Variants in USP3 observed in about 807,000 individuals in gnomAD.
USP3 encodes the protein ubiquitin carboxyl-terminal hydrolase 3.
USP3 carries 20 observed loss-of-function variants against 72.3 expected under a neutral mutation model. That is an observed-to-expected ratio of 0.28 (90% CI 0.19 to 0.40). The LOEUF (loss-of-function observed/expected upper bound fraction) is 0.40. Among genes scored for constraint, USP3 ranks in the 10% least tolerant of loss-of-function variants. The pLI is 1.00. For synonymous variants in USP3, 222 were observed against 225.3 expected, an observed-to-expected ratio of 0.99 and a Z score of 0.13; for missense variants, 479 against 633.9, an observed-to-expected ratio of 0.76 and a Z score of 2.62.
Position 63,512,406 on chromosome 15 carries a change from TTC to T in USP3, c.91+7578_91+7579del, listed in dbSNP as rs759237900. On this transcript the variant is annotated intron_variant, in intron 1 of 14. Transcript: ENST00000380324. The stretch of plus-strand genomic sequence containing the variant: ...TCTTTTTCTTCTTTCTTCCTTCTTC[TTC>T]TTTCTTCTTTCTTTTTCTTTCTTCT... Among the ~76,000 whole-genome samples the T allele has an allele frequency of 3.5e-4, 51 of 147,530 alleles. 1 individual carries two copies. The highest frequency in any genetic ancestry group is 2.1e-3 in the East Asian group (11 of 5,178).
intron 1 of USP3, among the ~76,000 whole-genome samples, chr15:63,505,364 C>A (rs1255017446): frequency 1.3e-5 from 2 of 152,208 alleles, no homozygotes; most frequent in African/African-American, 2.4e-5. Context: ...CCTTTCCCTT[C>A]TCCGCAGGCT....
intron 1 of USP3, among the ~76,000 whole-genome samples, chr15:63,526,776 A>G (rs560815250): frequency 6.6e-6 from 1 of 152,368 alleles, no homozygotes; most frequent in East Asian, 1.9e-4. Flanking sequence ...CTACATTAGC[A>G]GTTAATCTTT....
At chr15:63,539,533 T>C (rs8038147) in intron 3 of USP3, among the ~76,000 whole-genome samples, 28,139 of 152,182 alleles carry the variant, frequency 0.18, 3,466 homozygotes, top group African/African-American at 0.35. Flanking sequence ...TTATACATTG[T>C]ATTTTAGGGG....
chr15:63,514,422 TATTG>T (rs1340544142), intron 1 of USP3, among the ~76,000 whole-genome samples: 1 of 152,208 alleles, frequency 6.6e-6, no homozygotes, highest in Non-Finnish European at 1.5e-5. Context: ...TTTTCTGAAA[TATTG>T]ATTATCTATC....
rs953011630 is a variant in USP3 at position 63,513,480 on chromosome 15, A to G, written c.91+8650A>G. On this transcript the variant is annotated intron_variant, in intron 1 of 14. Coordinates refer to ENST00000380324, the MANE Select transcript of USP3 (RefSeq NM_006537.4). ...TTACAGCCTGGAACTCGCGGGCTTA[A>G]GTGATCCTTCCACTTCAGCCTCCCA... is the stretch of plus-strand genomic sequence containing the variant. Among the ~76,000 whole-genome samples the G allele has an allele frequency of 3.3e-5, 5 of 152,246 alleles. No individual in the cohort carries two copies. The South Asian group carries it at 1.0e-3, about 32-fold the overall frequency.
At chr15:63,530,593 A>T (rs1018576464) in intron 1 of USP3, 4 of 437,096 alleles carry the variant, frequency 9.2e-6, no homozygotes, top group African/African-American at 8.3e-5. Flanking sequence ...GACTACAGGC[A>T]CGTACCAGTG....
chr15:63,556,589 G>C, intron 4 of USP3, 78 bp from the exon 5 acceptor site: 4 of 1,179,956 alleles, frequency 3.4e-6, no homozygotes, highest in Non-Finnish European at 4.7e-6. Flanking sequence ...GTTGAGGGCA[G>C]CTGGAGTTTA....
chr15:63,563,201 A>T (rs2066635174), intron 8 of USP3, among the ~76,000 whole-genome samples, 193 bp downstream of exon 8: 1 of 152,186 alleles, frequency 6.6e-6, no homozygotes, highest in African/African-American at 2.4e-5. Context: ...TAAATAATAG[A>T]CTATAGAAAT....
intron 3 of USP3, among the ~76,000 whole-genome samples, chr15:63,547,897 G>GAGAGAGT (rs2066374433): frequency 1.6e-5 from 1 of 61,598 alleles, no homozygotes; most frequent in Non-Finnish European, 3.7e-5. Flanking sequence ...AGAGAGAGAG[G>GAGAGAGT]CATAGAGAGA....
At chr15:63,545,993 A>AAAAAAT in intron 3 of USP3, among the ~76,000 whole-genome samples, 1 of 149,708 alleles carries the variant, frequency 6.7e-6, no homozygotes, top group African/African-American at 2.5e-5. Flanking sequence ...AAAAAAAAAA[A>AAAAAAT]AACAGTAGAG....
At chr15:63,537,307 G>T in intron 3 of USP3, 151 bp downstream of exon 3, 2 of 917,266 alleles carry the variant, frequency 2.2e-6, no homozygotes, top group South Asian at 6.0e-5. Context: ...CATTGGGAAC[G>T]CCTATCTTTA....
At chr15:63,560,367 G>T (rs2066587915) in intron 7 of USP3, among the ~76,000 whole-genome samples, 3 of 149,708 alleles carry the variant, frequency 2.0e-5, no homozygotes, top group Non-Finnish European at 4.4e-5. Flanking sequence ...GGTGAGCCGA[G>T]ATCGCGCCAC....
intron 9 of USP3, among the ~76,000 whole-genome samples, chr15:63,573,744 G>A (rs899729986): frequency 2.0e-5 from 3 of 152,202 alleles, no homozygotes; most frequent in Admixed American, 1.3e-4. Context: ...ATGTTGCCCT[G>A]TGCAGAGTCA....
chr15:63,559,792 C>T, intron 6 of USP3, 65 bp from the exon 7 acceptor site: 1 of 1,399,402 alleles, frequency 7.1e-7, no homozygotes, highest in South Asian at 1.3e-5. Context: ...ATGTAGGCTT[C>T]ATCAACTTTC....
At position 63,529,325 on chromosome 15, in the gene USP3, CACATA is replaced by C. The variant is rs2066033549; in HGVS notation, c.92-3315_92-3311del. Among the ~76,000 whole-genome samples the C allele has an allele frequency of 6.6e-6, 1 of 151,996 alleles. No homozygotes were observed. The highest frequency in any genetic ancestry group is 2.1e-4 in the South Asian group (1 of 4,816). ...CTGTCTGTCTAATTGATGCACAATT[CACATA>C]ACATAAAGTTAACCATCTTAAAGTG... On this transcript the variant is annotated intron_variant, in intron 1 of 14. Transcript: ENST00000380324. This position sits in a 1 kb window ranked among gnomAD's most constrained non-coding sequence, Gnocchi z 4.2.
At position 63,591,328 on chromosome 15, in the gene USP3, C is replaced by CT. The variant is rs1378571566; in HGVS notation, c.*507dup. Reference sequence around the variant, plus strand: ...TCACAATGACTGCTGAGGAATCATTCTTTTTGCCTGTAAAATATAACAAAG... The same window carrying CT: ...TCACAATGACTGCTGAGGAATCATTCTTTTTTGCCTGTAAAATATAACAAAG... On this transcript the variant is annotated 3_prime_UTR_variant, in exon 15 of 15. Transcript: ENST00000380324. 6.6e-6 allele frequency: 1 copy of CT among 152,648 alleles called. No homozygotes were observed. The highest frequency in any genetic ancestry group is 1.5e-5 in the Non-Finnish European group (1 of 68,374). The allele number at this position is 152,648 out of a possible 1,614,324, so 9.5% of individuals were successfully genotyped here.
chr15:63,535,189 C>T (rs1398154800), intron 2 of USP3, among the ~76,000 whole-genome samples: 2 of 152,172 alleles, frequency 1.3e-5, no homozygotes, highest in Non-Finnish European at 2.9e-5. Flanking sequence ...CCTTAGCCTC[C>T]CAAAGTGTTG....
At position 63,544,574 on chromosome 15, in the gene USP3, CT is replaced by C. The variant is rs2066292812; in HGVS notation, c.284+7419del. ...TTAGAATTTTTTAAAGGAAGTAAACCTACATTAAATTTTAGGACAAGAAAAC... is the reference window on the plus strand; with the variant it reads ...TTAGAATTTTTTAAAGGAAGTAAACCACATTAAATTTTAGGACAAGAAAAC... On this transcript the variant is annotated intron_variant, in intron 3 of 14. Transcript: ENST00000380324. The surrounding 1 kb of genome is among the most constrained non-coding windows in gnomAD (Gnocchi z 4.2). 1.3e-5 allele frequency: 8 copies of C among 606,408 alleles called. No individual in the cohort carries two copies. In the Admixed American group the frequency reaches 2.3e-4, roughly 17 times the overall value. The allele number at this position is 606,408 out of a possible 1,614,324, so 37.6% of individuals were successfully genotyped here.
chr15:63,508,012 G>T (rs77654177), intron 1 of USP3, among the ~76,000 whole-genome samples: 3 of 152,150 alleles, frequency 2.0e-5, no homozygotes, highest in Non-Finnish European at 4.4e-5. Flanking sequence ...CAGCTTTATA[G>T]AAGACAGCTG....
Sources: gnomAD v4.1 joint callset for allele counts (sites outside exome capture counted in the v4.1 genomes callset) on GRCh38, gnomAD v4.1.1 for gene constraint, Gnocchi (gnomAD v3.1) non-coding constraint, MANE v1.5 for transcripts, NCBI Gene and HGNC (gene_info 2026-07-23, HGNC 2026-07-21) for gene names.